Variants in DNAH6 observed in about 807,000 individuals in gnomAD.
The protein encoded by DNAH6 is dynein axonemal heavy chain 6.
Under a neutral mutation model 491.4 loss-of-function variants are expected in DNAH6, and 340 were observed. The ratio of observed to expected loss-of-function variants is 0.69; its 90% CI spans 0.63 to 0.76. DNAH6 has a LOEUF of 0.76. DNAH6 is among the 30% of genes least tolerant of loss of function. The pLI is 0.00. For synonymous variants in DNAH6, 1,603 were observed against 1,686.1 expected (o/e 0.95, Z 1.21); for missense variants, 4,443 against 4,972.2 (o/e 0.89, Z 3.20).
At chr2:84,520,735 C>A (rs1469564166) in intron 2 of DNAH6, among the ~76,000 whole-genome samples, 2 of 152,080 alleles carry the variant, frequency 1.3e-5, no homozygotes, top group Non-Finnish European at 2.9e-5. Context: ...CTCTGAGGAA[C>A]ATGATCTTGT....
chr2:84,493,713 G>A, the DNAH6 span, among the ~76,000 whole-genome samples: 1 of 152,174 alleles, frequency 6.6e-6, no homozygotes, highest in South Asian at 2.1e-4. Context: ...ATCGGCGCCA[G>A]AAGACTGGAT....
At chr2:84,500,670 A>G in the DNAH6 span, among the ~76,000 whole-genome samples, 3 of 152,296 alleles carry the variant, frequency 2.0e-5, no homozygotes, top group South Asian at 4.1e-4. Context: ...TGAACATGGA[A>G]TATTTTTCCA....
At chr2:84,789,634 C>G (rs1158234300) in intron 68 of DNAH6, among the ~76,000 whole-genome samples, 1 of 152,186 alleles carries the variant, frequency 6.6e-6, no homozygotes, top group Non-Finnish European at 1.5e-5. Flanking sequence ...TCTTGACTTT[C>G]TGGAGGGCCA....
At chr2:84,641,796 T>G in intron 32 of DNAH6, 151 bp from the exon 33 acceptor site, 2 of 614,390 alleles carry the variant, frequency 3.3e-6, no homozygotes, top group Non-Finnish European at 2.8e-6. Context: ...TATGCTCTGA[T>G]GGAGATGAAC....
At chr2:84,702,854 T>C (rs1199066716) in intron 49 of DNAH6, among the ~76,000 whole-genome samples, 2 of 152,102 alleles carry the variant, frequency 1.3e-5, no homozygotes, top group Non-Finnish European at 2.9e-5. Context: ...GCTTTCTGAC[T>C]CACCTTCGAA....
intron 18 of DNAH6, among the ~76,000 whole-genome samples, chr2:84,600,781 C>T (rs1281480563): frequency 2.6e-5 from 4 of 151,772 alleles, no homozygotes; most frequent in East Asian, 1.9e-4. Context: ...CTTAACTGTA[C>T]AGTTACTACT....
chr2:84,632,892 C>T (rs1310810346), intron 29 of DNAH6, among the ~76,000 whole-genome samples: 1 of 152,132 alleles, frequency 6.6e-6, no homozygotes, highest in Non-Finnish European at 1.5e-5. Context: ...CCACTTTCTC[C>T]AAAGTTGCCC....
chr2:84,757,458 A>C (rs575478005), intron 63 of DNAH6, among the ~76,000 whole-genome samples: 1 of 152,318 alleles, frequency 6.6e-6, no homozygotes, highest in East Asian at 1.9e-4. Flanking sequence ...ACTGATCAAA[A>C]ATGTCAAGCC....
rs543823134 is a variant in DNAH6, at chr2:84,669,296, A to G, written c.6092A>G (p.Asn2031Ser). The G allele has an allele frequency of 1.2e-5, 19 of 1,549,964 alleles. No individual in the cohort carries two copies. The highest frequency in any genetic ancestry group is 2.7e-5 in the African/African-American group (2 of 72,972). Residue 2031 changes from asparagine to serine, a missense_variant, in exon 38 of 77, where the codon AAT (asparagine) becomes AGT (serine). Physicochemically the swap from Asn to Ser is conservative, Grantham distance 46 (BLOSUM62 1). Transcript: ENST00000389394. ...TTTAATTTTGTACTTTAGCTTCCCA[A>G]TTCTGGTGATCTGTGGAGCATTCAT... ...FDDNPDARLP[N>S]SGDLWSIHMD...
rs190261738 is a variant in DNAH6 at position 84,558,231 on chromosome 2, T to C, written c.1803+296T>C. ...TCACGAGGTCAGGAGATCGAGACCA[T>C]CCTGGCTAACACATTGAAACCCCAT... On this transcript the variant is annotated intron_variant, in intron 11 of 76. Coordinates refer to ENST00000389394, the MANE Select transcript of DNAH6 (RefSeq NM_001370.2). Among the ~76,000 whole-genome samples, 89 of 152,014 alleles carry C rather than the reference T, an allele frequency of 5.9e-4. 2 individuals are homozygous for C. The East Asian group carries it at 0.014, about 24-fold the overall frequency.
intron 46 of DNAH6, 22 bp downstream of exon 46, chr2:84,694,502 G>C (rs1332721009): frequency 6.6e-7 from 1 of 1,521,208 alleles, no homozygotes; most frequent in East Asian, 2.5e-5. Context: ...AATAGCCCAT[G>C]GGTGAGAACA....
In DNAH6 at chr2:84,634,537, T is replaced by C; in HGVS notation, c.4549T>C (p.Ser1517Pro). The C allele has an allele frequency of 6.5e-7, 1 of 1,548,978 alleles. No individual in the cohort carries two copies. The highest frequency in any genetic ancestry group is 1.4e-5 in the African/African-American group (1 of 72,814). Residue 1517 changes from serine to proline, a missense_variant, in exon 30 of 77, where the codon TCA becomes CCA. Physicochemically the swap from Ser to Pro is moderately conservative, Grantham distance 74. Around this residue, in one of 3 missense-constraint regions of DNAH6, gnomAD observed 2,977 missense variants for 3,296.6 expected, o/e 0.90. Coordinates refer to ENST00000389394, the MANE Select transcript of DNAH6 (RefSeq NM_001370.2). ...MGRFFSGLAQSGAWCCFDEFN... is the reference protein window; with the variant it reads ...MGRFFSGLAQPGAWCCFDEFN... The stretch of plus-strand genomic sequence containing the variant: ...GCGCTTCTTCAGTGGCTTGGCACAG[T>C]CAGGGGCCTGGTGCTGCTTTGATGA...
intron 46 of DNAH6, 142 bp downstream of exon 46, chr2:84,694,622 T>A: frequency 1.6e-6 from 1 of 613,794 alleles, no homozygotes; most frequent in Non-Finnish European, 2.9e-6. Flanking sequence ...GTAAAAGACT[T>A]TTATAATACA....
At chr2:84,740,167 G>C (rs1672380078) in intron 62 of DNAH6, among the ~76,000 whole-genome samples, 1 of 152,118 alleles carries the variant, frequency 6.6e-6, no homozygotes, top group South Asian at 2.1e-4. Context: ...AGGTTCCTTG[G>C]TTGCAAGTAG....
intron 68 of DNAH6, among the ~76,000 whole-genome samples, chr2:84,795,960 GTA>G (rs1474886140): frequency 6.6e-6 from 1 of 152,168 alleles, no homozygotes; most frequent in Non-Finnish European, 1.5e-5. Flanking sequence ...TGGAAAGTGT[GTA>G]TGTTTTAGAA....
At position 84,759,043 on chromosome 2, in the gene DNAH6, A is replaced by C. The variant is rs565249053; in HGVS notation, c.10513-3712A>C. On this transcript the variant is annotated intron_variant, in intron 63 of 76. Transcript: ENST00000389394. ...ATATGGTATAGTATGATATATCCAA[A>C]AAATAAAATTTAAAACTTCACCAAA... 5.9e-5 allele frequency among the ~76,000 whole-genome samples: 9 copies of C among 152,322 alleles called. No homozygotes were observed. The East Asian group carries it at 1.5e-3, about 26-fold the overall frequency.
In DNAH6 at chr2:84,701,084, C is replaced by T. The variant is rs1461235033; in HGVS notation, c.7819-13C>T. 1.3e-6 allele frequency: 2 copies of T among 1,543,432 alleles called. No homozygotes were observed. Among genetic ancestry groups the T allele is most frequent in the East Asian group, 2.5e-5 (1 of 40,692 alleles). Reference sequence around the variant, plus strand: ...GACACAACAGATTTTCTAGATTTTTCCTTGATTCACAGTGGCCCAGAGAAG... The same window carrying T: ...GACACAACAGATTTTCTAGATTTTTTCTTGATTCACAGTGGCCCAGAGAAG... On this transcript the variant is annotated splice_polypyrimidine_tract_variant and intron_variant, in intron 48 of 76. Coordinates refer to ENST00000389394, the MANE Select transcript of DNAH6 (RefSeq NM_001370.2).
At chr2:84,579,913 C>T (rs1174313823) in intron 14 of DNAH6, among the ~76,000 whole-genome samples, 1 of 152,250 alleles carries the variant, frequency 6.6e-6, no homozygotes, top group Admixed American at 6.5e-5. Flanking sequence ...ATTTTTAATT[C>T]TCACAAAAGC....
At chr2:84,751,520 C>A (rs754398242) in intron 63 of DNAH6, among the ~76,000 whole-genome samples, 6 of 152,156 alleles carry the variant, frequency 3.9e-5, no homozygotes, top group Non-Finnish European at 8.8e-5. Context: ...TCTTAGTAAG[C>A]CCCATGGTAT....
Sources: allele counts gnomAD v4.1 joint callset (sites outside exome capture counted in the v4.1 genomes callset), GRCh38; gene constraint gnomAD v4.1.1; regional missense constraint gnomAD v4.1.1; transcripts MANE v1.5; gene names NCBI Gene and HGNC (gene_info 2026-07-23, HGNC 2026-07-21).